NTRK2: variants seen among roughly 807,000 people sequenced by gnomAD.
NTRK2 encodes BDNF/NT-3 growth factors receptor.
A neutral mutation model predicts 94.5 loss-of-function variants in NTRK2; 13 were observed. That is an observed-to-expected ratio of 0.14 (90% CI 0.09 to 0.22). The LOEUF (loss-of-function observed/expected upper bound fraction) is 0.22, where lower values mean the gene tolerates loss of function less well. Among genes scored for constraint, NTRK2 ranks in the 10% least tolerant of loss-of-function variants. NTRK2 has a pLI of 1.00. For synonymous variants in NTRK2, 372 were observed against 407.4 expected (o/e 0.91, Z 1.05); for missense variants, 639 against 1,071.2 (o/e 0.60, Z 5.63).
At chr9:84,996,156 G>A (rs1305993951) in intron 17 of NTRK2, among the ~76,000 whole-genome samples, 3 of 152,180 alleles carry the variant, frequency 2.0e-5, no homozygotes, top group African/African-American at 7.2e-5. Context: ...AATGTCAGAA[G>A]AGTGAATAGA....
intron 12 of NTRK2, among the ~76,000 whole-genome samples, chr9:84,854,150 C>G (rs2074940953): frequency 6.6e-6 from 1 of 151,570 alleles, no homozygotes; most frequent in South Asian, 2.1e-4. Flanking sequence ...TAGCTGGAAG[C>G]CTTCAGTCAA....
intron 12 of NTRK2, among the ~76,000 whole-genome samples, chr9:84,849,469 C>T (rs7868500): frequency 0.012 from 1,789 of 152,206 alleles, 36 homozygotes; most frequent in African/African-American, 0.041. Context: ...ATCATGGATC[C>T]GTGCTATACC....
chr9:84,761,503 G>A (rs1269162261), intron 12 of NTRK2, among the ~76,000 whole-genome samples: 3 of 152,180 alleles, frequency 2.0e-5, no homozygotes, highest in Non-Finnish European at 4.4e-5. Context: ...ACAGGACAGA[G>A]AATCATCTGA....
At chr9:84,691,232 G>A (rs192734764) in intron 2 of NTRK2, among the ~76,000 whole-genome samples, 4 of 152,288 alleles carry the variant, frequency 2.6e-5, no homozygotes, top group South Asian at 4.1e-4. Context: ...GTGATGTAAC[G>A]CACAGTTTTT....
chr9:84,888,184 C>T (rs2076475124), intron 14 of NTRK2, among the ~76,000 whole-genome samples: 1 of 152,050 alleles, frequency 6.6e-6, no homozygotes. Context: ...GAGAACTTAA[C>T]CAGTTCTGGA....
intron 12 of NTRK2, among the ~76,000 whole-genome samples, chr9:84,830,315 A>G (rs752047750): frequency 7.9e-5 from 12 of 152,182 alleles, no homozygotes; most frequent in Non-Finnish European, 1.5e-4. Context: ...GCACCATCGT[A>G]TCTCATTTTA....
chr9:84,870,395 G>A (rs1484007585), intron 14 of NTRK2, among the ~76,000 whole-genome samples: 84 of 133,504 alleles, frequency 6.3e-4, no homozygotes, highest in African/African-American at 2.2e-3. Flanking sequence ...GGAGTGCAAT[G>A]GCACAATCAT....
chr9:84,982,950 AT>A (rs1006666467), intron 17 of NTRK2, among the ~76,000 whole-genome samples: 45 of 150,276 alleles, frequency 3.0e-4, no homozygotes, highest in Middle Eastern at 6.8e-3. Context: ...GCAGTGGTGG[AT>A]TTTTTTTTTC....
chr9:84,958,522 T>A (rs1824460684), intron 17 of NTRK2, among the ~76,000 whole-genome samples: 1 of 152,120 alleles, frequency 6.6e-6, no homozygotes, highest in Admixed American at 6.6e-5. Context: ...ACTGGCTGAG[T>A]CACTAAGAAA....
At chr9:84,954,817 A>G (rs1025141960) in intron 16 of NTRK2, among the ~76,000 whole-genome samples, 3 of 152,194 alleles carry the variant, frequency 2.0e-5, no homozygotes, top group East Asian at 1.9e-4. Context: ...TAGCCTGGCT[A>G]GGTGGGAAGG....
chr9:84,679,009 A>T (rs971079380), intron 2 of NTRK2, among the ~76,000 whole-genome samples: 1 of 152,182 alleles, frequency 6.6e-6, no homozygotes, highest in Admixed American at 6.5e-5. Context: ...TGGTGCCCTT[A>T]TAAAAGAGAC....
At position 84,853,936 on chromosome 9, in the gene NTRK2, C is replaced by T. The variant is rs1283384701; in HGVS notation, c.1397-7104C>T. On this transcript the variant is annotated intron_variant, in intron 12 of 18. Coordinates refer to ENST00000277120, the MANE Select transcript of NTRK2 (RefSeq NM_006180.6). ...CTCTACTAAAAATACAAAAATTAGC[C>T]AGGTGTGGTGGCACATGCCTGTAGT... is the stretch of plus-strand genomic sequence containing the variant. Among the ~76,000 whole-genome samples, 6 of 151,868 alleles carry T rather than the reference C, an allele frequency of 4.0e-5. No homozygotes were observed. In the East Asian group the frequency reaches 1.2e-3, roughly 29 times the overall value.
intron 17 of NTRK2, among the ~76,000 whole-genome samples, chr9:84,967,453 G>T (rs1238482011): frequency 6.6e-6 from 1 of 152,234 alleles, no homozygotes; most frequent in Admixed American, 6.5e-5. Context: ...ATCCTTGTGG[G>T]TGTCTGTATT....
intron 14 of NTRK2, among the ~76,000 whole-genome samples, chr9:84,913,388 C>T (rs1444462586): frequency 1.3e-5 from 2 of 152,078 alleles, no homozygotes; most frequent in Non-Finnish European, 2.9e-5. Flanking sequence ...AATTGTCTTA[C>T]ATATTTCTTC....
At chr9:84,825,500 T>A (rs1338516078) in intron 12 of NTRK2, among the ~76,000 whole-genome samples, 4 of 152,166 alleles carry the variant, frequency 2.6e-5, no homozygotes, top group African/African-American at 9.7e-5. Flanking sequence ...ACTTATTGAT[T>A]GGGTGACCTT....
chr9:84,848,588 T>G (rs1339620137), intron 12 of NTRK2, among the ~76,000 whole-genome samples: 2 of 152,140 alleles, frequency 1.3e-5, no homozygotes, highest in Non-Finnish European at 2.9e-5. Flanking sequence ...AACTCATCTT[T>G]CAGTAGTGCC....
At chr9:85,005,667 A>C (rs1163688987) in intron 17 of NTRK2, among the ~76,000 whole-genome samples, 1 of 152,154 alleles carries the variant, frequency 6.6e-6, no homozygotes, top group Non-Finnish European at 1.5e-5. Context: ...CTTGCTTTTG[A>C]AACACATAGA....
intron 17 of NTRK2, among the ~76,000 whole-genome samples, chr9:84,965,376 G>T (rs1825434538): frequency 6.6e-6 from 1 of 152,218 alleles, no homozygotes; most frequent in Non-Finnish European, 1.5e-5. Flanking sequence ...GTGTCCTGGG[G>T]AGAAGAGACG....
intron 17 of NTRK2, among the ~76,000 whole-genome samples, chr9:84,985,806 C>T (rs1277502179): frequency 2.0e-5 from 3 of 152,192 alleles, no homozygotes; most frequent in Non-Finnish European, 4.4e-5. Context: ...AAGTAAGACA[C>T]ACCTTCAAGG....
Sources: gnomAD v4.1 joint callset for allele counts (sites outside exome capture counted in the v4.1 genomes callset) on GRCh38, gnomAD v4.1.1 for gene constraint, MANE v1.5 for transcripts, NCBI Gene and HGNC (gene_info 2026-07-23, HGNC 2026-07-21) for gene names.